The following ATRIP variants were observed in gnomAD, a reference collection of about 807,000 sequenced individuals.
The protein encoded by ATRIP is ATR-interacting protein.
ATRIP carries 44 observed loss-of-function variants against 78.1 expected under a neutral mutation model. That is an observed-to-expected ratio of 0.56 (90% CI 0.44 to 0.72). ATRIP has a LOEUF of 0.72. Ranked by LOEUF, ATRIP falls within the 30% of genes least tolerant of loss-of-function variation. ATRIP has a pLI of 0.00. For synonymous variants in ATRIP, 388 were observed against 408.9 expected, an observed-to-expected ratio of 0.95 and a Z score of 0.62; for missense variants, 927 against 980.2, an observed-to-expected ratio of 0.95 and a Z score of 0.72.
At position 48,466,276 on chromosome 3, in the gene ATRIP, CGAG is replaced by C. The variant is rs1575290721; in HGVS notation, c.*723_*725del. ...CGAGAGCCGCGGGAGAGTGTGCAGC[CGAG>C]TCACTACTGCCTGCCTGCCTGCCTG... On this transcript the variant is annotated 3_prime_UTR_variant, in exon 13 of 13. Transcript: ENST00000320211. 7.7e-6 allele frequency: 5 copies of C among 648,986 alleles called. No homozygotes were observed. The East Asian group carries it at 1.4e-4, about 18-fold the overall frequency. 40.2% of individuals were successfully genotyped at this position (648,986 alleles called of 1,614,324 possible). A position where few individuals can be genotyped will look rare whatever the true frequency, so the allele number is the denominator to read the frequency against.
intron 5 of ATRIP, among the ~76,000 whole-genome samples, chr3:48,458,462 A>G (rs1175855979): frequency 6.6e-6 from 1 of 151,988 alleles, no homozygotes; most frequent in Non-Finnish European, 1.5e-5. Flanking sequence ...AGCTGGGACT[A>G]CAGGCATGCG....
Position 48,459,667 on chromosome 3 carries a change from G to A in ATRIP, c.926-120G>A, listed in dbSNP as rs139661903. On this transcript the variant is annotated intron_variant, in intron 6 of 12. Coordinates refer to ENST00000320211, the MANE Select transcript of ATRIP (RefSeq NM_130384.3). Reference sequence around the variant, plus strand: ...CTTCCGCACCCACAGGCATCTTCCTGGGGCTTAGTGGCAGCCTAGAGGACA... The same window carrying A: ...CTTCCGCACCCACAGGCATCTTCCTAGGGCTTAGTGGCAGCCTAGAGGACA... The A allele has an allele frequency of 2.8e-5, 39 of 1,381,882 alleles. No individual in the cohort carries two copies. In the East Asian group the frequency reaches 8.9e-4, roughly 32 times the overall value. 85.6% of individuals were successfully genotyped at this position (1,381,882 alleles called of 1,614,324 possible).
Position 48,466,077 on chromosome 3 carries a change from G to T in ATRIP, c.*523G>T. On this transcript the variant is annotated 3_prime_UTR_variant, in exon 13 of 13. Coordinates refer to ENST00000320211, the MANE Select transcript of ATRIP (RefSeq NM_130384.3). ...TGCATTGTGCCACCAGCAGGCCACAGCTGTGGATCTTGGAAGGCCTCTGGG... is the reference window on the plus strand; with the variant it reads ...TGCATTGTGCCACCAGCAGGCCACATCTGTGGATCTTGGAAGGCCTCTGGG... 1 of 366,418 alleles carries T rather than the reference G, an allele frequency of 2.7e-6. No individual in the cohort carries two copies. The highest frequency in any genetic ancestry group is 5.3e-6 in the Non-Finnish European group (1 of 190,466). 22.7% of individuals were successfully genotyped at this position (366,418 alleles called of 1,614,324 possible).
intron 2 of ATRIP, chr3:48,450,405 C>A (rs534776780): frequency 1.9e-6 from 2 of 1,033,894 alleles, no homozygotes; most frequent in Non-Finnish European, 2.7e-6. Context: ...AAAAGAGATA[C>A]AAACTGTTAG....
Position 48,446,866 on chromosome 3 carries a change from A to T in ATRIP, c.21A>T (p.Pro7=). 2.1e-6 allele frequency: 3 copies of T among 1,400,874 alleles called. No individual in the cohort carries two copies. The highest frequency in any genetic ancestry group is 2.8e-6 in the Non-Finnish European group (3 of 1,079,676). 86.8% of individuals were successfully genotyped at this position (1,400,874 alleles called of 1,614,324 possible). The change falls in exon 1 of 13, where the codon CCA becomes CCT. Residue 7 remains proline (P), a synonymous_variant. Coordinates refer to ENST00000320211, the MANE Select transcript of ATRIP (RefSeq NM_130384.3). MAGTSA[P]GSKRRSEPPA... is the part of the protein sequence containing the mutation. ...AAAGCATGGCGGGGACCTCCGCGCC[A>T]GGCAGCAAGAGGCGGAGCGAGCCCC...
In ATRIP at chr3:48,463,491, G is replaced by C. The variant is rs1206455516; in HGVS notation, c.1746-254G>C. Among the ~76,000 whole-genome samples the C allele has an allele frequency of 2.0e-5, 3 of 151,476 alleles. No individual in the cohort carries two copies. The Admixed American group carries it at 2.0e-4, about 10-fold the overall frequency. ...CAGGAGGTCATCCCACTTCCTGGGC[G>C]ATGCTACACCAGATAAGGGCCTGTC... On this transcript the variant is annotated intron_variant, in intron 8 of 12. Transcript: ENST00000320211.
rs749323787 is a variant in ATRIP at position 48,466,629 on chromosome 3, G to A, written c.*1075G>A. 59 of 1,613,782 alleles carry A rather than the reference G, an allele frequency of 3.7e-5. No homozygotes were observed. The highest frequency in any genetic ancestry group is 3.6e-4 in the East Asian group (16 of 44,844). On this transcript the variant is annotated 3_prime_UTR_variant, in exon 13 of 13. Transcript: ENST00000320211. Reference sequence around the variant, plus strand: ...CACACCCACCCCATGCTCCTCTCCAGGCTCAGCAGCAGGTACGTACCCAAC... The same window carrying A: ...CACACCCACCCCATGCTCCTCTCCAAGCTCAGCAGCAGGTACGTACCCAAC...
At position 48,466,006 on chromosome 3, in the gene ATRIP, C is replaced by A; in HGVS notation, c.*452C>A. 3.3e-6 allele frequency: 1 copy of A among 306,040 alleles called. No homozygotes were observed. The highest frequency in any genetic ancestry group is 6.4e-6 in the Non-Finnish European group (1 of 156,480). The allele number at this position is 306,040 out of a possible 1,614,324, so 19.0% of individuals were successfully genotyped here. On this transcript the variant is annotated 3_prime_UTR_variant, in exon 13 of 13. Transcript: ENST00000320211. ...AAGACCGGGAGCTGGTCTGGCACCA[C>A]TGCCCTGGTCCTTCCAGCTGCCTGT... is the stretch of plus-strand genomic sequence containing the variant.
chr3:48,466,527 C>T lies in ATRIP; in HGVS notation c.*973C>T, dbSNP rs371193946. 1.7e-5 allele frequency: 28 copies of T among 1,613,892 alleles called. No homozygotes were observed. In the African/African-American group the frequency reaches 3.5e-4, roughly 20 times the overall value. Reference sequence around the variant, plus strand: ...AGCTCGCAGACAGGGCAGGATTGTGCAGGGAAGGCCTGAGATGTGCTTCTG... The same window carrying T: ...AGCTCGCAGACAGGGCAGGATTGTGTAGGGAAGGCCTGAGATGTGCTTCTG... On this transcript the variant is annotated 3_prime_UTR_variant, in exon 13 of 13. Transcript: ENST00000320211.
Position 48,467,496 on chromosome 3 carries a change from G to T in ATRIP, c.*1942G>T. On this transcript the variant is annotated 3_prime_UTR_variant, in exon 13 of 13. Transcript: ENST00000320211. Reference sequence around the variant, plus strand: ...TCTTCCTCCAGTGAAGGACCCTGGAGCCCTATCCAGGGAGGGGCTGCTGGC... The same window carrying T: ...TCTTCCTCCAGTGAAGGACCCTGGATCCCTATCCAGGGAGGGGCTGCTGGC... 6.2e-7 allele frequency: 1 copy of T among 1,614,126 alleles called. No homozygotes were observed. Among genetic ancestry groups the T allele is most frequent in the Non-Finnish European group, 8.5e-7 (1 of 1,180,016 alleles).
chr3:48,455,439 A>G (rs554737187), intron 4 of ATRIP, among the ~76,000 whole-genome samples: 3 of 152,156 alleles, frequency 2.0e-5, no homozygotes, highest in East Asian at 3.9e-4. Flanking sequence ...TATCAAAATT[A>G]TGATATTTAT....
Position 48,467,498 on chromosome 3 carries a change from C to T in ATRIP, c.*1944C>T, listed in dbSNP as rs200719301. 5.7e-5 allele frequency: 92 copies of T among 1,614,100 alleles called. 1 individual carries two copies. In the East Asian group the frequency reaches 1.9e-3, roughly 34 times the overall value. ...TTCCTCCAGTGAAGGACCCTGGAGC[C>T]CTATCCAGGGAGGGGCTGCTGGCCC... On this transcript the variant is annotated 3_prime_UTR_variant, in exon 13 of 13. Coordinates refer to ENST00000320211, the MANE Select transcript of ATRIP (RefSeq NM_130384.3).
chr3:48,464,714 T>C (rs1412825370), intron 11 of ATRIP, 52 bp downstream of exon 11: 1 of 1,613,192 alleles, frequency 6.2e-7, no homozygotes, highest in Admixed American at 1.7e-5. Flanking sequence ...GGGGGCCCCG[T>C]GCAAGGACTG....
intron 2 of ATRIP, among the ~76,000 whole-genome samples, chr3:48,451,111 C>G (rs1356164244): frequency 6.6e-6 from 1 of 151,900 alleles, no homozygotes. Flanking sequence ...ATTGCTGGAA[C>G]CTGGGAGGTG....
chr3:48,458,614 C>G (rs544748920), intron 5 of ATRIP, among the ~76,000 whole-genome samples: 2 of 152,310 alleles, frequency 1.3e-5, no homozygotes, highest in African/African-American at 4.8e-5. Context: ...GCCACCGTGC[C>G]CAGCCTCTGT....
Position 48,465,004 on chromosome 3 carries a change from G to A in ATRIP, c.2229G>A (p.Glu743=). ...AGCTCTTCATGATGCACTGCGTGGAGGTCCTGCATCAGTTTGACCAGGTGA... is the reference window on the plus strand; with the variant it reads ...AGCTCTTCATGATGCACTGCGTGGAAGTCCTGCATCAGTTTGACCAGGTGA... ...KDKLFMMHCV[E]VLHQFDQVMP... Residue 743 remains glutamate, a synonymous_variant, in exon 12 of 13, where the codon GAG becomes GAA. Transcript: ENST00000320211. 6.2e-7 allele frequency: 1 copy of A among 1,614,070 alleles called. No homozygotes were observed. The highest frequency in any genetic ancestry group is 8.5e-7 in the Non-Finnish European group (1 of 1,180,022).
chr3:48,464,567 C>G lies in ATRIP; in HGVS notation c.1975-15C>G, dbSNP rs776586874. The G allele has an allele frequency of 3.1e-6, 5 of 1,613,788 alleles. No homozygotes were observed. The South Asian group carries it at 5.5e-5, about 18-fold the overall frequency. On this transcript the variant is annotated splice_polypyrimidine_tract_variant and intron_variant, in intron 10 of 12. Transcript: ENST00000320211. ...TCCTTCTGCCCAGGATGGAACCAAT[C>G]TGTTCTTGTTCTAGGTGGTGTGGCT...
chr3:48,457,052 AT>A (rs1470586641), intron 4 of ATRIP, among the ~76,000 whole-genome samples: 1 of 152,208 alleles, frequency 6.6e-6, no homozygotes, highest in African/African-American at 2.4e-5. Context: ...AGAAATTAAA[AT>A]TTTAAAATAT....
rs1220526726 is a variant in ATRIP at position 48,465,648 on chromosome 3, A to C, written c.*94A>C. The C allele has an allele frequency of 4.5e-6, 6 of 1,321,156 alleles. No individual in the cohort carries two copies. Among genetic ancestry groups the C allele is most frequent in the Non-Finnish European group, 6.5e-6 (6 of 929,404 alleles). 81.8% of individuals were successfully genotyped at this position (1,321,156 alleles called of 1,614,324 possible). A position where few individuals can be genotyped will look rare whatever the true frequency, so the allele number is the denominator to read the frequency against. ...GCAGTGACCAGCAGGAACTGCCCAG[A>C]GAACTGGCTGGCCTTGTTTCCTGAG... On this transcript the variant is annotated 3_prime_UTR_variant, in exon 13 of 13. Transcript: ENST00000320211.
Sources: allele counts gnomAD v4.1 joint callset (sites outside exome capture counted in the v4.1 genomes callset), GRCh38; gene constraint gnomAD v4.1.1; transcripts MANE v1.5; gene names NCBI Gene and HGNC (gene_info 2026-07-23, HGNC 2026-07-21).